The following NT5DC3 variants were observed in gnomAD, a reference collection of about 807,000 sequenced individuals.
The protein encoded by NT5DC3 is 5'-nucleotidase domain-containing protein 3.
NT5DC3 carries 42 observed loss-of-function variants against 67.8 expected under a neutral mutation model. That is an observed-to-expected ratio of 0.62 (90% CI 0.48 to 0.80). The LOEUF (loss-of-function observed/expected upper bound fraction) is 0.80, where lower values mean the gene tolerates loss of function less well. NT5DC3 is among the 30% of genes least tolerant of loss of function. NT5DC3 has a pLI of 0.00. For missense variants in NT5DC3, 570 were observed against 696.4 expected (o/e 0.82, Z 2.04); for synonymous variants, 237 against 255.6 (o/e 0.93, Z 0.69).
chr12:103,796,826 G>T (rs555020373), intron 6 of NT5DC3, 68 bp downstream of exon 6: 3 of 1,556,372 alleles, frequency 1.9e-6, no homozygotes, highest in East Asian at 2.2e-5. Context: ...GGAGGTTCAA[G>T]ACTCTGTGAC....
intron 2 of NT5DC3, among the ~76,000 whole-genome samples, chr12:103,807,505 T>A (rs985720927): frequency 6.6e-6 from 1 of 152,196 alleles, no homozygotes; most frequent in Admixed American, 6.5e-5. Flanking sequence ...AGAGCTTTCA[T>A]TGCTTCTCTC....
intron 2 of NT5DC3, among the ~76,000 whole-genome samples, chr12:103,809,472 G>A (rs1298194769): frequency 3.3e-5 from 5 of 152,182 alleles, no homozygotes; most frequent in East Asian, 1.9e-4. Context: ...CCGTTCTCAC[G>A]CTGCTGATAA....
chr12:103,796,820 G>A (rs983438840), intron 6 of NT5DC3, 74 bp downstream of exon 6: 3 of 1,529,424 alleles, frequency 2.0e-6, no homozygotes, highest in Non-Finnish European at 2.7e-6. Flanking sequence ...TAGAAAGGAG[G>A]TTCAAGACTC....
chr12:103,767,366 TTGA>T (rs1315688586), downstream of NT5DC3, among the ~76,000 whole-genome samples: 9 of 152,098 alleles, frequency 5.9e-5, no homozygotes, highest in African/African-American at 2.2e-4. Flanking sequence ...AATAGGCAAA[TTGA>T]TGATTGATAG....
At chr12:103,823,723 G>A (rs1887579477) in intron 1 of NT5DC3, among the ~76,000 whole-genome samples, 1 of 152,114 alleles carries the variant, frequency 6.6e-6, no homozygotes, top group African/African-American at 2.4e-5. Context: ...TCTTTTAAAA[G>A]TATACCTATG....
chr12:103,793,547 G>A, intron 7 of NT5DC3, 35 bp from the exon 8 acceptor site: 1 of 1,462,958 alleles, frequency 6.8e-7, no homozygotes, highest in Non-Finnish European at 9.6e-7. Flanking sequence ...CACAGATTCA[G>A]CATGATATTT....
intron 1 of NT5DC3, among the ~76,000 whole-genome samples, chr12:103,817,135 G>A (rs992534096): frequency 6.6e-6 from 1 of 151,800 alleles, no homozygotes; most frequent in Non-Finnish European, 1.5e-5. Flanking sequence ...AGTTCTCTAG[G>A]CCTAATGATG....
chr12:103,838,225 T>G (rs1038564413), intron 1 of NT5DC3, among the ~76,000 whole-genome samples: 1 of 152,180 alleles, frequency 6.6e-6, no homozygotes, highest in African/African-American at 2.4e-5. Context: ...CCTCCCAAAG[T>G]ACATGGGAAT....
chr12:103,746,956 T>C, the NT5DC3 span, among the ~76,000 whole-genome samples: 10,167 of 87,368 alleles, frequency 0.12, 1,228 homozygotes, highest in African/African-American at 0.29. Context: ...TTTCTTTTTT[T>C]TTTTTTTTTT....
downstream of NT5DC3, among the ~76,000 whole-genome samples, chr12:103,765,849 G>A (rs549938414): frequency 2.0e-5 from 3 of 152,256 alleles, no homozygotes; most frequent in Admixed American, 6.5e-5. Context: ...GCTGAGCGGG[G>A]TTTCTATTAC....
the NT5DC3 span, among the ~76,000 whole-genome samples, chr12:103,753,692 A>G: frequency 2.4e-4 from 36 of 152,350 alleles, no homozygotes; most frequent in South Asian, 6.6e-3. Flanking sequence ...GGCAGATCCA[A>G]TATTTAAGGG....
the NT5DC3 span, chr12:103,763,168 T>C: frequency 3.9e-6 from 1 of 257,174 alleles, no homozygotes; most frequent in East Asian, 8.4e-5. Flanking sequence ...GCAACACCAC[T>C]TCAGGGTGAT....
At chr12:103,796,185 G>GC (rs1443933417) in intron 6 of NT5DC3, among the ~76,000 whole-genome samples, 9 of 152,198 alleles carry the variant, frequency 5.9e-5, no homozygotes, top group Non-Finnish European at 1.3e-4. Flanking sequence ...AGTGGCACAG[G>GC]CCCCCCAGCC....
At chr12:103,835,199 C>T (rs139102182) in intron 1 of NT5DC3, among the ~76,000 whole-genome samples, 2,455 of 152,248 alleles carry the variant, frequency 0.016, 61 homozygotes, top group African/African-American at 0.056. Context: ...CTGCTGGGTG[C>T]TTAATAAATG....
intron 4 of NT5DC3, among the ~76,000 whole-genome samples, chr12:103,805,845 CAAAAAAAAAAAAA>C (rs34163004): frequency 6.2e-5 from 3 of 48,768 alleles, no homozygotes; most frequent in East Asian, 7.8e-4. Flanking sequence ...GACTCCACCT[CAAAAAAAAAAAAA>C]AAAAAAAAAA....
intron 5 of NT5DC3, 115 bp from the exon 6 acceptor site, chr12:103,797,146 C>A: frequency 9.0e-7 from 1 of 1,115,076 alleles, no homozygotes; most frequent in Admixed American, 2.2e-5. Context: ...ATCCCATCAT[C>A]AACACAAAAA....
rs1885325600 is a variant in NT5DC3, at chr12:103,775,914, A to G, written c.*1915T>C. The G allele has an allele frequency of 6.6e-6, 1 of 152,264 alleles. No individual in the cohort carries two copies. The highest frequency in any genetic ancestry group is 1.5e-5 in the Non-Finnish European group (1 of 68,048). The allele number at this position is 152,264 out of a possible 1,614,324, so 9.4% of individuals were successfully genotyped here. The stretch of plus-strand genomic sequence containing the variant: ...TTGGATTTCATCAATAGATGGTTAC[A>G]TACATTTATCACAATAAAAATGTTG... On this transcript the variant is annotated 3_prime_UTR_variant, in exon 14 of 14. Coordinates refer to ENST00000392876, the MANE Select transcript of NT5DC3 (RefSeq NM_001031701.3).
At chr12:103,822,886 T>G (rs953930653) in intron 1 of NT5DC3, among the ~76,000 whole-genome samples, 1 of 152,156 alleles carries the variant, frequency 6.6e-6, no homozygotes, top group Non-Finnish European at 1.5e-5. Flanking sequence ...TTTGTTGCAT[T>G]GATATTAATA....
At chr12:103,762,017 C>T in the NT5DC3 span, among the ~76,000 whole-genome samples, 1 of 152,152 alleles carries the variant, frequency 6.6e-6, no homozygotes, top group Non-Finnish European at 1.5e-5. Context: ...TGTGTGATAT[C>T]GGGCAAGTGC....
Sources: gnomAD v4.1 joint callset for allele counts (sites outside exome capture counted in the v4.1 genomes callset) on GRCh38, gnomAD v4.1.1 for gene constraint, MANE v1.5 for transcripts, NCBI Gene and HGNC (gene_info 2026-07-23, HGNC 2026-07-21) for gene names.